MBNL1: variants seen among roughly 807,000 people sequenced by gnomAD.
MBNL1 encodes muscleblind like splicing regulator 1.
MBNL1 carries 8 observed loss-of-function variants against 42.2 expected under a neutral mutation model. That is an observed-to-expected ratio of 0.19 (90% CI 0.11 to 0.34). The LOEUF (loss-of-function observed/expected upper bound fraction) is 0.34. Ranked by LOEUF, MBNL1 falls within the 10% of genes least tolerant of loss-of-function variation. The pLI, the probability that MBNL1 is intolerant of heterozygous loss-of-function variation, is 1.00. For missense variants in MBNL1, 309 were observed against 495.3 expected (o/e 0.62, Z 3.57); for synonymous variants, 169 against 173.9 (o/e 0.97, Z 0.22).
At chr3:152,284,259 AG>A (rs1459733914) in intron 1 of MBNL1, among the ~76,000 whole-genome samples, 2 of 152,164 alleles carry the variant, frequency 1.3e-5, no homozygotes, top group Non-Finnish European at 2.9e-5. Flanking sequence ...TAAAAAAAGA[AG>A]CACAATTAGA....
At chr3:152,254,075 A>C (rs1001887475) in intron 2 of MBNL1, among the ~76,000 whole-genome samples, 1 of 152,280 alleles carries the variant, frequency 6.6e-6, no homozygotes, top group South Asian at 2.1e-4. Flanking sequence ...ATAAACAATG[A>C]TTAAGTAAAA....
At chr3:152,443,644 A>G (rs1560617632) in intron 4 of MBNL1, among the ~76,000 whole-genome samples, 1 of 152,072 alleles carries the variant, frequency 6.6e-6, no homozygotes, top group Non-Finnish European at 1.5e-5. Flanking sequence ...TCAGCCAGAG[A>G]GGAGGATAAT....
upstream of MBNL1, chr3:152,266,557 C>G (rs1302141756): frequency 1.3e-5 from 2 of 152,206 alleles, no homozygotes; most frequent in Non-Finnish European, 2.9e-5. Flanking sequence ...AAATAAATTT[C>G]TACCACTAGG....
intron 2 of MBNL1, among the ~76,000 whole-genome samples, chr3:152,394,637 G>C (rs897338542): frequency 6.6e-6 from 1 of 152,150 alleles, no homozygotes; most frequent in African/African-American, 2.4e-5. Context: ...CAGGGTGCCT[G>C]CCCTCATGGA....
chr3:152,284,251 A>G (rs1015782662), intron 1 of MBNL1, among the ~76,000 whole-genome samples: 1 of 152,130 alleles, frequency 6.6e-6, no homozygotes, highest in African/African-American at 2.4e-5. Context: ...AGAAAACCTA[A>G]AAAAAGAAGC....
chr3:152,368,044 T>A (rs1245574624), intron 2 of MBNL1, among the ~76,000 whole-genome samples: 1 of 151,714 alleles, frequency 6.6e-6, no homozygotes. Context: ...ATCACAATTG[T>A]CAATTTTGGC....
intron 3 of MBNL1, among the ~76,000 whole-genome samples, chr3:152,422,237 A>T (rs1468628762): frequency 7.0e-6 from 1 of 143,280 alleles, no homozygotes; most frequent in African/African-American, 2.6e-5. Flanking sequence ...AAATAAAGGG[A>T]TGGAGGAATA....
At chr3:152,272,593 A>G (rs558579274) in intron 1 of MBNL1, among the ~76,000 whole-genome samples, 8 of 152,174 alleles carry the variant, frequency 5.3e-5, no homozygotes, top group Non-Finnish European at 8.8e-5. Context: ...AAAAACCCAT[A>G]TCCAAAGTCC....
intron 3 of MBNL1, among the ~76,000 whole-genome samples, chr3:152,420,611 A>C (rs1225660674): frequency 6.6e-6 from 1 of 152,224 alleles, no homozygotes; most frequent in African/African-American, 2.4e-5. Context: ...ACCCTATCGA[A>C]GGTCACCAAC....
At chr3:152,300,599 G>A (rs1039697821) in intron 2 of MBNL1, among the ~76,000 whole-genome samples, 9 of 152,034 alleles carry the variant, frequency 5.9e-5, no homozygotes, top group African/African-American at 1.9e-4. Context: ...TTTTGCTAGG[G>A]CAGAAAGTGT....
chr3:152,364,173 G>A (rs374706566), intron 2 of MBNL1, among the ~76,000 whole-genome samples: 3 of 151,944 alleles, frequency 2.0e-5, no homozygotes, highest in African/African-American at 7.2e-5. Context: ...ATAAAATAGA[G>A]GCTATAGTAA....
intron 8 of MBNL1, 33 bp downstream of exon 8, chr3:152,456,394 A>G (rs1405327053): frequency 6.4e-7 from 1 of 1,569,764 alleles, no homozygotes; most frequent in African/African-American, 1.4e-5. Flanking sequence ...TTCTTAAAAA[A>G]CAACTCTAAT....
chr3:152,323,452 C>T (rs1260906687), intron 2 of MBNL1, among the ~76,000 whole-genome samples: 1 of 152,010 alleles, frequency 6.6e-6, no homozygotes, highest in Non-Finnish European at 1.5e-5. Context: ...TATATGTACA[C>T]ACACGTGCGT....
At chr3:152,362,697 T>C (rs895681258) in intron 2 of MBNL1, among the ~76,000 whole-genome samples, 1 of 152,114 alleles carries the variant, frequency 6.6e-6, no homozygotes, top group African/African-American at 2.4e-5. Flanking sequence ...ACCGAACATA[T>C]CTCTGGGTAT....
At chr3:152,455,454 A>T (rs983650946) in intron 6 of MBNL1, 88 bp from the exon 7 acceptor site, 2 of 1,075,812 alleles carry the variant, frequency 1.9e-6, no homozygotes, top group African/African-American at 3.1e-5. Context: ...CTTTGTTCAA[A>T]TGAATTTTCT....
At chr3:152,347,529 G>A (rs2094441495) in intron 2 of MBNL1, among the ~76,000 whole-genome samples, 1 of 152,026 alleles carries the variant, frequency 6.6e-6, no homozygotes, top group Admixed American at 6.6e-5. Context: ...TATAGCATCA[G>A]GTCAGTTTAC....
intron 2 of MBNL1, among the ~76,000 whole-genome samples, chr3:152,342,588 T>G (rs552039944): frequency 1.2e-5 from 1 of 82,480 alleles, no homozygotes; most frequent in East Asian, 4.3e-4. Context: ...ACACACACAC[T>G]TTCCACAAAC....
At chr3:152,267,623 T>A (rs1281535286), upstream of MBNL1, 1 of 152,212 alleles carries the variant, frequency 6.6e-6, no homozygotes, top group Non-Finnish European at 1.5e-5. Flanking sequence ...TGTGGGTACT[T>A]GAGTCCTTTT....
intron 2 of MBNL1, among the ~76,000 whole-genome samples, chr3:152,345,075 A>G (rs1257743736): frequency 6.7e-6 from 1 of 149,568 alleles, no homozygotes; most frequent in African/African-American, 2.5e-5. Context: ...TACTTCACTT[A>G]CCCTGGGAGA....
Sources: gnomAD v4.1 joint callset for allele counts (sites outside exome capture counted in the v4.1 genomes callset) on GRCh38, gnomAD v4.1.1 for gene constraint, MANE v1.5 for transcripts, NCBI Gene and HGNC (gene_info 2026-07-23, HGNC 2026-07-21) for gene names.